Variants in GRM8 observed in about 807,000 individuals in gnomAD.
GRM8 encodes metabotropic glutamate receptor 8.
In GRM8, 47 loss-of-function variants were observed where a neutral mutation model predicts 87.2. The ratio of observed to expected loss-of-function variants is 0.54; its 90% confidence interval spans 0.43 to 0.69. The LOEUF (loss-of-function observed/expected upper bound fraction) is 0.69. Ranked by LOEUF, GRM8 falls within the 30% of genes least tolerant of loss-of-function variation. The probability of loss-of-function intolerance (pLI) is 0.00; values close to 1 mark genes in which losing one functional copy is unlikely to be tolerated. For missense variants in GRM8, 1,019 were observed against 1,139.2 expected (o/e 0.89, Z 1.52); for synonymous variants, 396 against 404.5 (o/e 0.98, Z 0.25).
chr7:126,900,376 G>T (rs752823997), intron 6 of GRM8, among the ~76,000 whole-genome samples: 4 of 152,084 alleles, frequency 2.6e-5, no homozygotes, highest in Non-Finnish European at 5.9e-5. Flanking sequence ...AACGATCTTT[G>T]CCCCAGCATC....
In GRM8 at chr7:126,837,480, G is replaced by A. The variant is rs141341826; in HGVS notation, c.1156+65062C>T. On this transcript the variant is annotated intron_variant, in intron 6 of 10. Transcript: ENST00000339582. ...GTAAATATACTTTAAAAGCCAAGATGATACAAATGGCCATTCATGAGTGGA... is the reference window on the plus strand; with the variant it reads ...GTAAATATACTTTAAAAGCCAAGATAATACAAATGGCCATTCATGAGTGGA... Among the ~76,000 whole-genome samples, 11 of 152,302 alleles carry A rather than the reference G, an allele frequency of 7.2e-5. No homozygotes were observed. The East Asian group carries it at 1.9e-3, about 27-fold the overall frequency.
chr7:126,477,284 G>A (rs1806031188), intron 9 of GRM8, among the ~76,000 whole-genome samples: 1 of 152,034 alleles, frequency 6.6e-6, no homozygotes, highest in African/African-American at 2.4e-5. Context: ...CAAAGTTTCA[G>A]TTATATAATA....
intron 7 of GRM8, among the ~76,000 whole-genome samples, chr7:126,731,723 C>G (rs773546608): frequency 1.8e-4 from 28 of 151,908 alleles, no homozygotes; most frequent in Non-Finnish European, 3.1e-4. Context: ...ATGGTATTAT[C>G]AATACATATA....
intron 3 of GRM8, among the ~76,000 whole-genome samples, chr7:127,042,025 TG>T (rs2132408192): frequency 6.6e-6 from 1 of 152,308 alleles, no homozygotes; most frequent in East Asian, 1.9e-4. Flanking sequence ...CCGTTCATCT[TG>T]GCACTAACAA....
At chr7:126,848,072 C>G (rs1359317110) in intron 6 of GRM8, among the ~76,000 whole-genome samples, 7 of 152,124 alleles carry the variant, frequency 4.6e-5, no homozygotes, top group African/African-American at 1.7e-4. Flanking sequence ...ATGATAGGAA[C>G]AGAAAGGAGA....
At chr7:126,683,785 T>C (rs1807874577) in intron 7 of GRM8, among the ~76,000 whole-genome samples, 1 of 152,230 alleles carries the variant, frequency 6.6e-6, no homozygotes. Flanking sequence ...TTATGGTCTT[T>C]GGATGATGTG....
At chr7:126,612,576 C>T (rs747811090) in intron 7 of GRM8, among the ~76,000 whole-genome samples, 6 of 152,210 alleles carry the variant, frequency 3.9e-5, no homozygotes, top group African/African-American at 1.4e-4. Context: ...GACTTACTAT[C>T]CATTCTGTAC....
intron 7 of GRM8, among the ~76,000 whole-genome samples, chr7:126,727,875 T>G (rs1465898612): frequency 1.3e-5 from 2 of 152,194 alleles, no homozygotes; most frequent in African/African-American, 4.8e-5. Context: ...TACAGCCAGC[T>G]GGGATGTGTA....
chr7:126,918,560 T>C (rs1804174654), intron 3 of GRM8, among the ~76,000 whole-genome samples: 1 of 152,232 alleles, frequency 6.6e-6, no homozygotes, highest in South Asian at 2.1e-4. Context: ...GGATTTCAGC[T>C]GGACTCAATA....
intron 6 of GRM8, among the ~76,000 whole-genome samples, chr7:126,871,348 C>G (rs1489427436): frequency 6.6e-6 from 1 of 152,174 alleles, no homozygotes; most frequent in African/African-American, 2.4e-5. Flanking sequence ...ATGTTAAGTA[C>G]TTTTCTGAAA....
chr7:126,611,108 A>G (rs956588791), intron 7 of GRM8, among the ~76,000 whole-genome samples: 1 of 152,214 alleles, frequency 6.6e-6, no homozygotes, highest in Admixed American at 6.5e-5. Context: ...ATGAGAAATG[A>G]CTTTATATAT....
intron 8 of GRM8, among the ~76,000 whole-genome samples, chr7:126,548,820 G>T (rs1358997128): frequency 4.6e-5 from 7 of 152,186 alleles, no homozygotes. Flanking sequence ...TCTGAAACTA[G>T]GGGCAGAAGT....
intron 3 of GRM8, among the ~76,000 whole-genome samples, chr7:127,070,343 C>T (rs986124545): frequency 6.6e-6 from 1 of 152,022 alleles, no homozygotes; most frequent in African/African-American, 2.4e-5. Flanking sequence ...TCATGATTTC[C>T]AGGTGGAACA....
intron 3 of GRM8, among the ~76,000 whole-genome samples, chr7:126,969,167 T>A (rs760021076): frequency 1.3e-5 from 2 of 152,146 alleles, no homozygotes; most frequent in Non-Finnish European, 2.9e-5. Flanking sequence ...CTTGCCCCAA[T>A]GTTGATGGCT....
intron 2 of GRM8, chr7:127,228,994 T>G (rs984483322): frequency 3.3e-5 from 5 of 152,300 alleles, no homozygotes; most frequent in African/African-American, 1.2e-4. Flanking sequence ...AAAATAATAT[T>G]TATTCATCAA....
intron 7 of GRM8, among the ~76,000 whole-genome samples, chr7:126,627,155 T>C (rs147990198): frequency 5.7e-4 from 87 of 152,366 alleles, no homozygotes; most frequent in African/African-American, 2.1e-3. Context: ...ATTACTTTGC[T>C]GTTAGTATAC....
intron 2 of GRM8, among the ~76,000 whole-genome samples, chr7:127,114,806 G>A (rs1249845912): frequency 2.0e-5 from 3 of 152,192 alleles, no homozygotes; most frequent in Non-Finnish European, 4.4e-5. Flanking sequence ...CCATTGAATT[G>A]TAAAAGGGTA....
chr7:126,967,689 C>T (rs1275973158), intron 3 of GRM8, among the ~76,000 whole-genome samples: 1 of 152,170 alleles, frequency 6.6e-6, no homozygotes, highest in African/African-American at 2.4e-5. Context: ...TGTTCAATCA[C>T]ATAAAACAGA....
intron 2 of GRM8, among the ~76,000 whole-genome samples, chr7:127,117,456 G>A (rs1344140127): frequency 6.6e-6 from 1 of 152,142 alleles, no homozygotes; most frequent in Non-Finnish European, 1.5e-5. Context: ...CAGTTTCTTT[G>A]ATATCTTCTT....
Sources: gnomAD v4.1 joint callset for allele counts (sites outside exome capture counted in the v4.1 genomes callset) on GRCh38, gnomAD v4.1.1 for gene constraint, MANE v1.5 for transcripts, NCBI Gene and HGNC (gene_info 2026-07-23, HGNC 2026-07-21) for gene names.